Variants in VAT1L observed in about 807,000 individuals in gnomAD.
VAT1L encodes the protein vesicle amine transport 1 like.
VAT1L carries 34 observed loss-of-function variants against 44.1 expected under a neutral mutation model. The ratio of observed to expected loss-of-function variants is 0.77; its 90% confidence interval spans 0.59 to 1.03. The LOEUF (loss-of-function observed/expected upper bound fraction) is 1.03. VAT1L is among the 50% of genes least tolerant of loss of function. The probability of loss-of-function intolerance (pLI) is 0.00; values close to 1 mark genes in which losing one functional copy is unlikely to be tolerated. For missense variants in VAT1L, 615 were observed against 538.8 expected, an observed-to-expected ratio of 1.14 and a Z score of -1.40; for synonymous variants, 253 against 202.2, an observed-to-expected ratio of 1.25 and a Z score of -2.13.
intron 1 of VAT1L, among the ~76,000 whole-genome samples, chr16:77,791,487 T>C (rs2015834995): frequency 6.6e-6 from 1 of 152,194 alleles, no homozygotes; most frequent in Admixed American, 6.5e-5. Context: ...TGGGTATTTT[T>C]CCTACAGAAC....
chr16:77,863,000 TG>T (rs1374627094), intron 4 of VAT1L, 110 bp downstream of exon 4: 9 of 1,374,190 alleles, frequency 6.5e-6, no homozygotes, highest in Admixed American at 4.5e-5. Flanking sequence ...AAACATATAT[TG>T]GGGGCTTAGT....
intron 5 of VAT1L, among the ~76,000 whole-genome samples, chr16:77,877,702 A>G (rs1286297391): frequency 6.6e-6 from 1 of 152,152 alleles, no homozygotes; most frequent in African/African-American, 2.4e-5. Flanking sequence ...TAACTCAGAA[A>G]AAAACACTTA....
At position 77,884,626 on chromosome 16, in the gene VAT1L, G is replaced by A; in HGVS notation, c.901G>A (p.Val301Met). The A allele has an allele frequency of 6.2e-7, 1 of 1,613,348 alleles. No individual in the cohort carries two copies. Among genetic ancestry groups the A allele is most frequent in the Non-Finnish European group, 8.5e-7 (1 of 1,179,792 alleles). ...TTTGCAGTGGTGGCAGGTGGAGAAG[G>A]TGAACCCCATCAAGCTGTATGAGGA... ...FAKSWWQVEK[V>M]NPIKLYEENK... Residue 301 changes from valine to methionine, a missense_variant, in exon 7 of 9, where the codon GTG becomes ATG. Transcript: ENST00000302536. This position sits in a 1 kb window ranked among gnomAD's most constrained non-coding sequence, Gnocchi z 4.5.
chr16:77,973,370 C>T (rs554904552), intron 8 of VAT1L, among the ~76,000 whole-genome samples: 43 of 152,144 alleles, frequency 2.8e-4, no homozygotes, highest in Non-Finnish European at 4.3e-4. Context: ...CTGCAACCTC[C>T]GCCTCCCGGG....
At chr16:77,793,506 T>C (rs1442214566) in intron 1 of VAT1L, among the ~76,000 whole-genome samples, 1 of 152,194 alleles carries the variant, frequency 6.6e-6, no homozygotes, top group Non-Finnish European at 1.5e-5. Context: ...CTTGTCACAG[T>C]TGAGTGTCTC....
intron 7 of VAT1L, chr16:77,892,479 T>G (rs80056103): frequency 0.055 from 29,050 of 527,436 alleles, 1,409 homozygotes; most frequent in East Asian, 0.15. Flanking sequence ...GGCCCTTGTG[T>G]CTCCTTTGAG....
chr16:77,930,801 C>T (rs967607646), intron 7 of VAT1L, among the ~76,000 whole-genome samples: 1 of 152,126 alleles, frequency 6.6e-6, no homozygotes, highest in Non-Finnish European at 1.5e-5. Flanking sequence ...CTCTCCTACC[C>T]AGTGTGTTTG....
At chr16:77,942,473 AGAG>A (rs1254976446) in intron 7 of VAT1L, among the ~76,000 whole-genome samples, 1 of 152,024 alleles carries the variant, frequency 6.6e-6, no homozygotes, top group Non-Finnish European at 1.5e-5. Context: ...AATTGTGAAG[AGAG>A]GAGAATTCTT....
At chr16:77,908,329 G>T (rs752471829) in intron 7 of VAT1L, among the ~76,000 whole-genome samples, 1 of 151,746 alleles carries the variant, frequency 6.6e-6, no homozygotes, top group Non-Finnish European at 1.5e-5. Flanking sequence ...ACACGTGGTG[G>T]TGAGTGCCTG....
chr16:77,924,006 T>C lies in VAT1L; in HGVS notation c.1077+39204T>C, dbSNP rs540634578. ...AAATCTATTTATGCAGCTCTGAAAC[T>C]AGACACACAAGAAGTTGCATCCCCA... On this transcript the variant is annotated intron_variant, in intron 7 of 8. Transcript: ENST00000302536. 1.6e-4 allele frequency among the ~76,000 whole-genome samples: 24 copies of C among 150,658 alleles called. No individual in the cohort carries two copies. The South Asian group carries it at 4.7e-3, about 29-fold the overall frequency.
At chr16:77,930,911 T>A (rs1383308822) in intron 7 of VAT1L, among the ~76,000 whole-genome samples, 1 of 152,216 alleles carries the variant, frequency 6.6e-6, no homozygotes, top group East Asian at 1.9e-4. Flanking sequence ...ACATTCAACA[T>A]AATTCATTGA....
chr16:77,971,701 C>T, intron 7 of VAT1L, 149 bp from the exon 8 acceptor site: 1 of 717,070 alleles, frequency 1.4e-6, no homozygotes, highest in Non-Finnish European at 2.3e-6. Context: ...GTAGTTGCAC[C>T]CCAGCGTCCA....
intron 7 of VAT1L, among the ~76,000 whole-genome samples, chr16:77,959,930 T>C (rs1411918620): frequency 6.6e-6 from 1 of 152,130 alleles, no homozygotes; most frequent in Non-Finnish European, 1.5e-5. Context: ...CCAAGGCCAT[T>C]GGCTTTTTTC....
At chr16:77,821,013 T>G (rs770658842) in intron 2 of VAT1L, among the ~76,000 whole-genome samples, 1 of 152,100 alleles carries the variant, frequency 6.6e-6, no homozygotes, top group Non-Finnish European at 1.5e-5. Context: ...ACTGAAAGCT[T>G]CTCCAGGACT....
chr16:77,867,052 G>A (rs2016982430), intron 4 of VAT1L, among the ~76,000 whole-genome samples: 1 of 152,158 alleles, frequency 6.6e-6, no homozygotes, highest in Non-Finnish European at 1.5e-5. Flanking sequence ...CTGCCATCCT[G>A]CTACGAGTTC....
chr16:77,797,102 T>C (rs965451168), intron 1 of VAT1L, among the ~76,000 whole-genome samples: 4 of 151,320 alleles, frequency 2.6e-5, no homozygotes, highest in Non-Finnish European at 4.4e-5. Context: ...AAAACTGCAC[T>C]TGTACCCTTA....
intron 1 of VAT1L, among the ~76,000 whole-genome samples, chr16:77,802,661 CA>C (rs2016084543): frequency 7.5e-6 from 1 of 133,726 alleles, no homozygotes; most frequent in African/African-American, 2.8e-5. Flanking sequence ...CACACACACA[CA>C]CACACACTAA....
intron 7 of VAT1L, among the ~76,000 whole-genome samples, chr16:77,887,246 G>A (rs2077020913): frequency 6.6e-6 from 1 of 152,194 alleles, no homozygotes; most frequent in South Asian, 2.1e-4. Flanking sequence ...GAGAGTCTGA[G>A]TAGGTTAACA....
chr16:77,827,060 G>A (rs1294657686), intron 3 of VAT1L, among the ~76,000 whole-genome samples: 2 of 152,210 alleles, frequency 1.3e-5, no homozygotes, highest in Non-Finnish European at 2.9e-5. Flanking sequence ...GGCAAAGATA[G>A]GAAACTTTAG....
Sources: gnomAD v4.1 joint callset for allele counts (sites outside exome capture counted in the v4.1 genomes callset) on GRCh38, gnomAD v4.1.1 for gene constraint, Gnocchi (gnomAD v3.1) non-coding constraint, MANE v1.5 for transcripts, NCBI Gene and HGNC (gene_info 2026-07-23, HGNC 2026-07-21) for gene names.